The following MSN variants were observed in gnomAD, a reference collection of about 807,000 sequenced individuals.
The protein encoded by MSN is epididymis luminal protein 70.
Under a neutral mutation model 48.0 loss-of-function variants are expected in MSN, and 2 were observed. That is an observed-to-expected ratio of 0.04 (90% confidence interval 0.02 to 0.13). The LOEUF is 0.13. Ranked by LOEUF, MSN falls within the 10% of genes least tolerant of loss-of-function variation. The pLI is 1.00. For synonymous variants in MSN, 146 were observed against 166.9 expected, an observed-to-expected ratio of 0.87 and a Z score of 0.97; for missense variants, 267 against 470.1, an observed-to-expected ratio of 0.57 and a Z score of 3.99.
intron 1 of MSN, among the ~76,000 whole-genome samples, chrX:65,639,884 G>C (rs112536971): frequency 0.025 from 2,759 of 111,727 alleles, 94 homozygotes; most frequent in African/African-American, 0.085. Flanking sequence ...AGGACTTACT[G>C]TTTGCCAGCT....
chrX:65,628,259 G>A (rs2070524744), intron 1 of MSN, among the ~76,000 whole-genome samples: 1 of 112,982 alleles, frequency 8.9e-6, no homozygotes, highest in South Asian at 3.6e-4. Flanking sequence ...AGTTCTCTAT[G>A]AGGGCTCCGC....
intron 1 of MSN, among the ~76,000 whole-genome samples, chrX:65,711,587 A>G (rs773841557): frequency 2.0e-4 from 23 of 112,906 alleles, no homozygotes; most frequent in Admixed American, 1.8e-3. Context: ...TACAGTGGCA[A>G]TAACTAACTA....
chrX:65,588,551 G>A (rs997010191), exon 1 of MSN: 6 of 805,561 alleles, frequency 7.4e-6, no homozygotes, highest in South Asian at 6.6e-5. Flanking sequence ...CTCCAGCCCC[G>A]CCGCTCAACC....
chrX:65,702,213 A>C (rs2071312728), intron 1 of MSN, among the ~76,000 whole-genome samples: 1 of 104,915 alleles, frequency 9.5e-6, no homozygotes, highest in South Asian at 4.7e-4. Context: ...GGGTTTCACC[A>C]TGTTGGCCAG....
intron 1 of MSN, among the ~76,000 whole-genome samples, chrX:65,648,293 C>T: frequency 8.9e-6 from 1 of 112,412 alleles, no homozygotes; most frequent in South Asian, 3.7e-4. Flanking sequence ...TGGCTCACGC[C>T]TGTAATCCCA....
At chrX:65,643,584 T>C (rs1030937868) in intron 1 of MSN, among the ~76,000 whole-genome samples, 6 of 112,267 alleles carry the variant, frequency 5.3e-5, no homozygotes, top group African/African-American at 1.9e-4. Context: ...AAAGTTCTAA[T>C]TTAATTGGCC....
At chrX:65,648,433 A>T (rs924806212) in intron 1 of MSN, among the ~76,000 whole-genome samples, 1 of 111,891 alleles carries the variant, frequency 8.9e-6, no homozygotes, top group African/African-American at 3.2e-5. Context: ...GGCGCCTGTG[A>T]TCTCAGCTAC....
At chrX:65,676,818 C>CT (rs946014701) in intron 1 of MSN, among the ~76,000 whole-genome samples, 12 of 109,407 alleles carry the variant, frequency 1.1e-4, no homozygotes, top group Admixed American at 6.9e-4. Context: ...GATCCATTTC[C>CT]TTTTTTTTCT....
intron 1 of MSN, among the ~76,000 whole-genome samples, chrX:65,694,974 A>G (rs2071216742): frequency 8.9e-6 from 1 of 112,072 alleles, no homozygotes; most frequent in Non-Finnish European, 1.9e-5. Context: ...TGTGAAATCA[A>G]TGGATCTCCA....
chrX:65,725,167 G>GA (rs969274662), intron 2 of MSN, among the ~76,000 whole-genome samples: 4 of 111,911 alleles, frequency 3.6e-5, no homozygotes, highest in Non-Finnish European at 5.6e-5. Context: ...AATTCACAGG[G>GA]ACAGGGGTCC....
chrX:65,617,039 G>C (rs1266270349), intron 1 of MSN, among the ~76,000 whole-genome samples: 20 of 108,129 alleles, frequency 1.8e-4, no homozygotes, highest in Admixed American at 6.8e-4. Context: ...AACCAGCCTT[G>C]CCTCCCAGGG....
At chrX:65,670,897 TA>T (rs1182567727) in intron 1 of MSN, among the ~76,000 whole-genome samples, 84 of 329 alleles carry the variant, frequency 0.26, 4 homozygotes, top group African/African-American at 0.41. Context: ...TGATGACAGT[TA>T]TATATATATA....
At chrX:65,616,043 G>C (rs1210284903) in intron 1 of MSN, among the ~76,000 whole-genome samples, 2 of 110,657 alleles carry the variant, frequency 1.8e-5, no homozygotes, top group African/African-American at 3.3e-5. Flanking sequence ...TCTGAGGGCT[G>C]TGTTCTGTTC....
chrX:65,686,115 T>C (rs765341214), intron 1 of MSN, among the ~76,000 whole-genome samples: 102 of 112,690 alleles, frequency 9.1e-4, no homozygotes, highest in Admixed American at 1.8e-3. Flanking sequence ...TTGAGGAAGA[T>C]AGTGATTTGT....
intron 1 of MSN, among the ~76,000 whole-genome samples, chrX:65,710,515 C>G (rs2071403129): frequency 9.0e-6 from 1 of 110,862 alleles, no homozygotes; most frequent in Non-Finnish European, 1.9e-5. Context: ...TTGTTTTTTA[C>G]CAACCTCTCC....
chrX:65,616,083 G>A (rs1181402672), intron 1 of MSN, among the ~76,000 whole-genome samples: 2 of 111,472 alleles, frequency 1.8e-5, no homozygotes, highest in East Asian at 5.6e-4. Context: ...TTTGGTACCA[G>A]TACCATGCTG....
At chrX:65,591,464 T>C (rs1025503434) in intron 1 of MSN, among the ~76,000 whole-genome samples, 1 of 112,174 alleles carries the variant, frequency 8.9e-6, no homozygotes, top group Non-Finnish European at 1.9e-5. Context: ...AGTGCTATTA[T>C]GCTGTGGCCC....
intron 4 of MSN, among the ~76,000 whole-genome samples, chrX:65,730,058 C>T (rs982850868): frequency 5.4e-5 from 6 of 111,744 alleles, no homozygotes; most frequent in Admixed American, 4.7e-4. Flanking sequence ...TCTCTTATAT[C>T]AGAAGTTCAC....
Position 65,731,958 on chromosome X carries a change from T to C in MSN, c.672T>C (p.Gly224=), listed in dbSNP as rs1445230064. Reference sequence around the variant, plus strand: ...TGTGGCTGGGGGTGGATGCCCTGGGTCTCAACATCTATGAGCAGAATGACA... The same window carrying C: ...TGTGGCTGGGGGTGGATGCCCTGGGCCTCAACATCTATGAGCAGAATGACA... ...SELWLGVDAL[G]LNIYEQNDRL... is the part of the protein sequence containing the mutation. Residue 224 remains glycine (G), a synonymous_variant, in exon 6 of 13, where the codon GGT becomes GGC. Transcript: ENST00000360270. 2.5e-6 allele frequency: 3 copies of C among 1,207,115 alleles called. No homozygotes were observed. Among genetic ancestry groups the C allele is most frequent in the East Asian group, 5.9e-5 (2 of 33,698 alleles).
Sources: gnomAD v4.1 joint callset for allele counts (sites outside exome capture counted in the v4.1 genomes callset) on GRCh38, gnomAD v4.1.1 for gene constraint, MANE v1.5 for transcripts, NCBI Gene and HGNC (gene_info 2026-07-23, HGNC 2026-07-21) for gene names.